The following NUBPL variants were observed in gnomAD, a reference collection of about 807,000 sequenced individuals.
NUBPL encodes the protein NUBP iron-sulfur cluster assembly factor, mitochondrial, also known as iron-sulfur cluster transfer protein NUBPL.
NUBPL carries 31 observed loss-of-function variants against 45.7 expected under a neutral mutation model. The observed-to-expected ratio is 0.68, with a 90% CI of 0.51 to 0.92. The LOEUF (loss-of-function observed/expected upper bound fraction) is 0.92. Ranked by LOEUF, NUBPL falls within the 40% of genes least tolerant of loss-of-function variation. The pLI is 0.00. For missense variants in NUBPL, 401 were observed against 398.7 expected (o/e 1.01, Z -0.05); for synonymous variants, 144 against 140.9 (o/e 1.02, Z -0.15).
At chr14:31,652,633 T>C (rs1183913637) in intron 4 of NUBPL, among the ~76,000 whole-genome samples, 1 of 152,180 alleles carries the variant, frequency 6.6e-6, no homozygotes, top group African/African-American at 2.4e-5. Context: ...TAATAACATT[T>C]CTAATATGTG....
chr14:31,596,064 G>A (rs1005320789), intron 3 of NUBPL, among the ~76,000 whole-genome samples: 1 of 151,856 alleles, frequency 6.6e-6, no homozygotes, highest in African/African-American at 2.4e-5. Context: ...CCGCCAGCAC[G>A]CCTAGCTAAT....
At chr14:31,699,950 A>G (rs1566508744) in intron 6 of NUBPL, among the ~76,000 whole-genome samples, 1 of 152,216 alleles carries the variant, frequency 6.6e-6, no homozygotes, top group Non-Finnish European at 1.5e-5. Flanking sequence ...TGAAATTTTA[A>G]AATGTTAAGT....
intron 6 of NUBPL, among the ~76,000 whole-genome samples, chr14:31,706,082 C>A (rs1270454883): frequency 6.6e-6 from 1 of 152,158 alleles, no homozygotes; most frequent in Non-Finnish European, 1.5e-5. Context: ...TCGAGCACAG[C>A]CAGAGTGGAC....
intron 8 of NUBPL, among the ~76,000 whole-genome samples, chr14:31,840,549 G>C (rs1373899932): frequency 6.6e-6 from 1 of 150,428 alleles, no homozygotes; most frequent in Non-Finnish European, 1.5e-5. Flanking sequence ...ACTCCAGCCT[G>C]GGCAACAGAG....
intron 6 of NUBPL, among the ~76,000 whole-genome samples, chr14:31,720,911 C>A (rs1349395324): frequency 1.3e-5 from 2 of 152,160 alleles, no homozygotes; most frequent in Non-Finnish European, 2.9e-5. Context: ...GTTTCCATAA[C>A]CCTTACAATG....
At chr14:31,735,155 G>T (rs1407688323) in intron 6 of NUBPL, among the ~76,000 whole-genome samples, 28 of 152,088 alleles carry the variant, frequency 1.8e-4, no homozygotes, top group Admixed American at 1.8e-3. Flanking sequence ...CCTGGAGTAG[G>T]GTGAGACCAG....
rs576496394 is a variant in NUBPL, at chr14:31,708,903, T to C, written c.513+35329T>C. Among the ~76,000 whole-genome samples, 6 of 152,288 alleles carry C rather than the reference T, an allele frequency of 3.9e-5. No homozygotes were observed. The East Asian group carries it at 5.8e-4, about 15-fold the overall frequency. The stretch of plus-strand genomic sequence containing the variant: ...GGACGAGGGGGCGGCTTGTTTCTCA[T>C]TGGACAATCTTTTTTAAAGTGTCCT... On this transcript the variant is annotated intron_variant, in intron 6 of 10. Transcript: ENST00000281081.
chr14:31,842,405 T>A (rs2138981287), intron 8 of NUBPL, among the ~76,000 whole-genome samples: 1 of 152,306 alleles, frequency 6.6e-6, no homozygotes, highest in Non-Finnish European at 1.5e-5. Context: ...TTACATATTA[T>A]CAGTAATAGA....
At chr14:31,746,060 G>A (rs896996495) in intron 6 of NUBPL, among the ~76,000 whole-genome samples, 1 of 152,002 alleles carries the variant, frequency 6.6e-6, no homozygotes, top group Non-Finnish European at 1.5e-5. Flanking sequence ...AAACTTCTTG[G>A]CATTCACTGC....
chr14:31,683,375 T>G (rs1247881214), intron 6 of NUBPL, among the ~76,000 whole-genome samples: 1 of 102,292 alleles, frequency 9.8e-6, no homozygotes, highest in Admixed American at 1.1e-4. Context: ...TTTTTTTTTT[T>G]GTGAGACAGG....
intron 4 of NUBPL, among the ~76,000 whole-genome samples, chr14:31,664,521 A>G (rs549005576): frequency 6.6e-6 from 1 of 152,300 alleles, no homozygotes; most frequent in South Asian, 2.1e-4. Context: ...GGTTCTGTTT[A>G]TGTGATGGCT....
chr14:31,747,109 C>A (rs1285172779), intron 6 of NUBPL, among the ~76,000 whole-genome samples: 3 of 142,006 alleles, frequency 2.1e-5, no homozygotes, highest in African/African-American at 2.6e-5. Context: ...TGATAGAATT[C>A]AGCAGTAAAG....
At chr14:31,825,116 T>A (rs2040076257) in intron 7 of NUBPL, among the ~76,000 whole-genome samples, 1 of 152,190 alleles carries the variant, frequency 6.6e-6, no homozygotes, top group African/African-American at 2.4e-5. Context: ...AGTTCAGGCC[T>A]CTACCATTTT....
chr14:31,594,076 G>T (rs2034220278), intron 3 of NUBPL, among the ~76,000 whole-genome samples: 1 of 152,128 alleles, frequency 6.6e-6, no homozygotes, highest in Admixed American at 6.5e-5. Flanking sequence ...AGAAGACTAA[G>T]ATGATCTCTT....
At chr14:31,618,281 C>T (rs2034964682) in intron 4 of NUBPL, among the ~76,000 whole-genome samples, 1 of 152,096 alleles carries the variant, frequency 6.6e-6, no homozygotes, top group Admixed American at 6.5e-5. Flanking sequence ...TCCTTCAGTT[C>T]TGCTCTGATC....
chr14:31,637,422 G>A (rs1210380357), intron 4 of NUBPL, among the ~76,000 whole-genome samples: 1 of 152,160 alleles, frequency 6.6e-6, no homozygotes, highest in Admixed American at 6.5e-5. Context: ...TTAATCCTGA[G>A]TTCTAGTTTG....
At chr14:31,844,084 C>T (rs1165264377) in intron 8 of NUBPL, 1 of 152,144 alleles carries the variant, frequency 6.6e-6, no homozygotes, top group Non-Finnish European at 1.5e-5. Context: ...CTATAGAGAA[C>T]ATGTCTGAGA....
At chr14:31,681,810 A>C (rs2036841100) in intron 6 of NUBPL, among the ~76,000 whole-genome samples, 1 of 152,074 alleles carries the variant, frequency 6.6e-6, no homozygotes, top group Non-Finnish European at 1.5e-5. Context: ...TATGTTGTTT[A>C]ATATCTGAAC....
chr14:31,849,471 T>C (rs562909369), intron 9 of NUBPL, among the ~76,000 whole-genome samples: 1 of 152,258 alleles, frequency 6.6e-6, no homozygotes, highest in South Asian at 2.1e-4. Flanking sequence ...TAATGTGTCC[T>C]CAAGAAAACA....
Sources: allele counts gnomAD v4.1 joint callset (sites outside exome capture counted in the v4.1 genomes callset), GRCh38; gene constraint gnomAD v4.1.1; transcripts MANE v1.5; gene names NCBI Gene and HGNC (gene_info 2026-07-23, HGNC 2026-07-21).